ENPP3: variants seen among roughly 807,000 people sequenced by gnomAD.
The protein encoded by ENPP3 is ectonucleotide pyrophosphatase/phosphodiesterase family member 3.
ENPP3 carries 104 observed loss-of-function variants against 117.8 expected under a neutral mutation model. The ratio of observed to expected loss-of-function variants is 0.88; its 90% CI spans 0.75 to 1.04. ENPP3 has a LOEUF of 1.04. Among genes scored for constraint, ENPP3 ranks in the 50% least tolerant of loss-of-function variants. The pLI is 0.00. For missense variants in ENPP3, 1,026 were observed against 1,051.9 expected (o/e 0.98, Z 0.34); for synonymous variants, 380 against 349.9 (o/e 1.09, Z -0.96).
At chr6:131,744,851 A>G (rs1780601268) in intron 24 of ENPP3, among the ~76,000 whole-genome samples, 1 of 152,070 alleles carries the variant, frequency 6.6e-6, no homozygotes, top group South Asian at 2.1e-4. Context: ...ATATCAAAGT[A>G]TATTTAAATA....
At chr6:131,703,068 T>C (rs1443684893) in intron 15 of ENPP3, among the ~76,000 whole-genome samples, 3 of 149,330 alleles carry the variant, frequency 2.0e-5, no homozygotes. Flanking sequence ...TGTACACTTG[T>C]TAACTTAATG....
chr6:131,727,555 C>CA (rs773470669), intron 20 of ENPP3, among the ~76,000 whole-genome samples: 6,848 of 50,444 alleles, frequency 0.14, 793 homozygotes, highest in African/African-American at 0.29. Flanking sequence ...AAGTCCATCT[C>CA]AAAAAAAAAA....
chr6:131,659,988 GTTTAAAATATTTTAAAACA>G (rs1439688365), intron 6 of ENPP3, among the ~76,000 whole-genome samples: 1 of 152,096 alleles, frequency 6.6e-6, no homozygotes, highest in African/African-American at 2.4e-5. Flanking sequence ...TGCTTTTGAT[GTTTAAAATATTTTAAAACA>G]TTTAAAATAT....
chr6:131,734,512 C>T (rs190421793), intron 21 of ENPP3, among the ~76,000 whole-genome samples: 140 of 152,210 alleles, frequency 9.2e-4, no homozygotes, highest in African/African-American at 3.3e-3. Flanking sequence ...ATTTAAAACT[C>T]CTGAGTTAGG....
At chr6:131,731,517 C>T (rs917211408) in intron 20 of ENPP3, among the ~76,000 whole-genome samples, 1 of 152,192 alleles carries the variant, frequency 6.6e-6, no homozygotes, top group African/African-American at 2.4e-5. Flanking sequence ...TCATTTCTTT[C>T]AGTATGGTGC....
At chr6:131,674,755 A>T (rs1778828921) in intron 8 of ENPP3, among the ~76,000 whole-genome samples, 3 of 151,748 alleles carry the variant, frequency 2.0e-5, no homozygotes, top group Admixed American at 2.0e-4. Flanking sequence ...TATTTTTAGT[A>T]GAGATGGGGT....
intron 6 of ENPP3, among the ~76,000 whole-genome samples, chr6:131,665,771 AG>A (rs1209511991): frequency 6.6e-6 from 1 of 151,812 alleles, no homozygotes; most frequent in African/African-American, 2.4e-5. Flanking sequence ...ACTTGGATTT[AG>A]TTTGTTCCTT....
In ENPP3 at chr6:131,747,120, G is replaced by T; in HGVS notation, c.*164G>T. ...CCTTTTTCTCTTTTTTCAATTCTAT[G>T]AATATGTATTATTTTAAAGTTATAT... On this transcript the variant is annotated 3_prime_UTR_variant, in exon 25 of 25. Coordinates refer to ENST00000357639, the MANE Select transcript of ENPP3 (RefSeq NM_005021.5). 2.2e-6 allele frequency: 1 copy of T among 452,236 alleles called. No individual in the cohort carries two copies. Among genetic ancestry groups the T allele is most frequent in the South Asian group, 5.0e-5 (1 of 20,126 alleles). The allele number at this position is 452,236 out of a possible 1,614,324, so 28.0% of individuals were successfully genotyped here. A position where few individuals can be genotyped will look rare whatever the true frequency, so the allele number is the denominator to read the frequency against.
At chr6:131,676,845 A>G (rs375319050) in intron 10 of ENPP3, 44 bp downstream of exon 10, 11 of 1,252,454 alleles carry the variant, frequency 8.8e-6, no homozygotes, top group Non-Finnish European at 1.0e-5. Flanking sequence ...TGGCATATAT[A>G]TGGGTAAAAA....
rs1007960842 is a variant in ENPP3 at position 131,721,694 on chromosome 6, A to G, written c.1568-533A>G. Reference sequence around the variant, plus strand: ...CTAGTTCCATTTTTTAAAAGTGTCTATCTTTAGAGAATAAATGTACTACAA... The same window carrying G: ...CTAGTTCCATTTTTTAAAAGTGTCTGTCTTTAGAGAATAAATGTACTACAA... On this transcript the variant is annotated intron_variant, in intron 17 of 24. Coordinates refer to ENST00000357639, the MANE Select transcript of ENPP3 (RefSeq NM_005021.5). 4.0e-5 allele frequency among the ~76,000 whole-genome samples: 6 copies of G among 148,762 alleles called. No homozygotes were observed. The South Asian group carries it at 6.3e-4, about 16-fold the overall frequency.
chr6:131,717,351 GGTGTGTGTGTGTGTGTGTGTGTGTGT>G (rs71030754), intron 15 of ENPP3, among the ~76,000 whole-genome samples: 7 of 89,422 alleles, frequency 7.8e-5, no homozygotes, highest in Non-Finnish European at 1.2e-4. Flanking sequence ...CCCTGCGGGG[GGTGTGTGTGTGTGTGTGTGTGTGTGT>G]GTGTGTGTGT....
intron 14 of ENPP3, among the ~76,000 whole-genome samples, chr6:131,689,042 G>A (rs936180020): frequency 4.6e-5 from 7 of 151,986 alleles, no homozygotes; most frequent in African/African-American, 1.7e-4. Flanking sequence ...CTCCAACCTG[G>A]GCAACAGAGT....
chr6:131,657,552 A>G (rs1021361657), intron 5 of ENPP3, among the ~76,000 whole-genome samples: 4 of 152,262 alleles, frequency 2.6e-5, no homozygotes, highest in African/African-American at 7.2e-5. Context: ...TGAATGATCC[A>G]TAATTACTTG....
At chr6:131,718,619 A>G (rs982679424) in intron 15 of ENPP3, 53 bp from the exon 16 acceptor site, 6 of 847,452 alleles carry the variant, frequency 7.1e-6, no homozygotes, top group Middle Eastern at 2.7e-4. Flanking sequence ...ATCTTACACT[A>G]TGGTCTCATA....
chr6:131,736,138 G>A (rs1232157271), intron 21 of ENPP3, among the ~76,000 whole-genome samples: 1 of 152,232 alleles, frequency 6.6e-6, no homozygotes, highest in African/African-American at 2.4e-5. Flanking sequence ...GAGCAGCGGA[G>A]CTGGGGTTCC....
At chr6:131,644,363 G>A (rs1386214348) in intron 2 of ENPP3, among the ~76,000 whole-genome samples, 1 of 152,192 alleles carries the variant, frequency 6.6e-6, no homozygotes, top group Non-Finnish European at 1.5e-5. Flanking sequence ...CAGAAGTAGA[G>A]AGACCAATCA....
chr6:131,699,235 C>CAAAAAAA (rs4053087), intron 15 of ENPP3, among the ~76,000 whole-genome samples: 7,446 of 99,698 alleles, frequency 0.075, 17 homozygotes, highest in Non-Finnish European at 0.1. Flanking sequence ...AAGACTGTCT[C>CAAAAAAA]AAAAAAAAAA....
At chr6:131,713,063 G>A (rs1037187843) in intron 15 of ENPP3, among the ~76,000 whole-genome samples, 28 of 133,370 alleles carry the variant, frequency 2.1e-4, no homozygotes, top group Non-Finnish European at 3.4e-4. Flanking sequence ...ATGGGGGTGG[G>A]TCTTTCCCAT....
intron 14 of ENPP3, among the ~76,000 whole-genome samples, chr6:131,686,188 T>C (rs543771160): frequency 6.6e-6 from 1 of 152,362 alleles, no homozygotes; most frequent in East Asian, 1.9e-4. Flanking sequence ...GTTGCATTAG[T>C]GAGCTTCAGG....
Sources: gnomAD v4.1 joint callset for allele counts (sites outside exome capture counted in the v4.1 genomes callset) on GRCh38, gnomAD v4.1.1 for gene constraint, MANE v1.5 for transcripts, NCBI Gene and HGNC (gene_info 2026-07-23, HGNC 2026-07-21) for gene names.